RGS6: variants seen among roughly 807,000 people sequenced by gnomAD.
RGS6 encodes regulator of G protein signaling 6.
In RGS6, 30 loss-of-function variants were observed where a neutral mutation model predicts 78.5. The ratio of observed to expected loss-of-function variants is 0.38; its 90% confidence interval spans 0.29 to 0.52. The LOEUF (loss-of-function observed/expected upper bound fraction) is 0.52, where lower values mean the gene tolerates loss of function less well. Among genes scored for constraint, RGS6 ranks in the 20% least tolerant of loss-of-function variants. The pLI is 0.85. For synonymous variants in RGS6, 206 were observed against 206.0 expected (o/e 1.00, Z 0.00); for missense variants, 495 against 609.7 (o/e 0.81, Z 1.98).
intron 2 of RGS6, among the ~76,000 whole-genome samples, chr14:72,130,370 G>T (rs2096288622): frequency 1.3e-5 from 2 of 152,116 alleles, no homozygotes; most frequent in African/African-American, 4.8e-5. Context: ...ATTGGCCATT[G>T]ATGGTTAACT....
chr14:72,500,414 C>G (rs556239918), intron 13 of RGS6, among the ~76,000 whole-genome samples: 8 of 152,296 alleles, frequency 5.3e-5, no homozygotes, highest in South Asian at 2.1e-4. Flanking sequence ...ACATCACACT[C>G]CAGCCAAGGG....
chr14:71,967,719 G>A lies in RGS6; in HGVS notation c.84+2844G>A, dbSNP rs1443059108. On this transcript the variant is annotated intron_variant, in intron 2 of 17. Transcript: ENST00000553525. The stretch of plus-strand genomic sequence containing the variant: ...ATTTTTGCTTGGACTGCATTGTGTT[G>A]ATTCAGATGCTGACATTTAAAAAGC... Among the ~76,000 whole-genome samples, 5 of 152,180 alleles carry A rather than the reference G, an allele frequency of 3.3e-5. No individual in the cohort carries two copies. In the East Asian group the frequency reaches 9.7e-4, roughly 29 times the overall value.
chr14:71,917,498 G>C, the RGS6 span, among the ~76,000 whole-genome samples: 8 of 152,314 alleles, frequency 5.3e-5, no homozygotes, highest in African/African-American at 1.9e-4. Context: ...AGCAACAGGA[G>C]GTTTGGGGAG....
At chr14:72,247,744 C>T (rs564145986) in intron 2 of RGS6, among the ~76,000 whole-genome samples, 7 of 152,260 alleles carry the variant, frequency 4.6e-5, no homozygotes, top group African/African-American at 1.2e-4. Flanking sequence ...GGTTAGTTAT[C>T]GAGAGAGTGG....
At chr14:71,885,822 G>T in the RGS6 span, among the ~76,000 whole-genome samples, 1 of 152,070 alleles carries the variant, frequency 6.6e-6, no homozygotes, top group Non-Finnish European at 1.5e-5. Context: ...CACCCATATA[G>T]TGTCTCTCTC....
In RGS6 at chr14:71,975,357, T is replaced by C. The variant is rs541803121; in HGVS notation, c.84+10482T>C. On this transcript the variant is annotated intron_variant, in intron 2 of 17. Coordinates refer to ENST00000553525, the MANE Select transcript of RGS6 (RefSeq NM_001204424.2). ...TTTTTTCCTTTGGCTGCTTTTAAGA[T>C]TTATTTCACTTTGGTTTTAGCAGTT... is the stretch of plus-strand genomic sequence containing the variant. Among the ~76,000 whole-genome samples, 5 of 152,356 alleles carry C rather than the reference T, an allele frequency of 3.3e-5. No individual in the cohort carries two copies. The South Asian group carries it at 1.0e-3, about 32-fold the overall frequency.
intron 2 of RGS6, among the ~76,000 whole-genome samples, chr14:71,983,258 A>G (rs1279876747): frequency 6.6e-6 from 1 of 152,226 alleles, no homozygotes; most frequent in Non-Finnish European, 1.5e-5. Context: ...CAGAGGGAAT[A>G]AATCCAGGCA....
chr14:72,090,298 T>G (rs1345229136), intron 2 of RGS6, among the ~76,000 whole-genome samples: 6 of 152,030 alleles, frequency 3.9e-5, no homozygotes, highest in Admixed American at 3.9e-4. Context: ...CCAGTACCGG[T>G]CCCTGGCCTG....
intron 2 of RGS6, among the ~76,000 whole-genome samples, chr14:71,994,546 A>C (rs1410313144): frequency 6.6e-6 from 1 of 152,102 alleles, no homozygotes; most frequent in Admixed American, 6.5e-5. Flanking sequence ...CACCCAGTCC[A>C]TATGTTGACA....
At chr14:72,283,605 A>G (rs1595278320) in intron 2 of RGS6, among the ~76,000 whole-genome samples, 1 of 151,874 alleles carries the variant, frequency 6.6e-6, no homozygotes, top group Non-Finnish European at 1.5e-5. Context: ...ATTGTGAGGC[A>G]CCCCACCCCC....
chr14:72,511,826 CTTATTTTGGG>C (rs1012738690), intron 14 of RGS6: 3 of 152,220 alleles, frequency 2.0e-5, no homozygotes, highest in Non-Finnish European at 2.9e-5. Flanking sequence ...GGTTGAGTAT[CTTATTTTGGG>C]TTATTATACA....
chr14:72,354,604 T>A (rs2681756), intron 3 of RGS6, among the ~76,000 whole-genome samples: 58,031 of 151,480 alleles, frequency 0.38, 13,387 homozygotes, highest in African/African-American at 0.66. Context: ...CACTCCAGCA[T>A]GGGCAACAGA....
chr14:72,445,566 T>A (rs2095343568), intron 3 of RGS6, among the ~76,000 whole-genome samples: 1 of 152,108 alleles, frequency 6.6e-6, no homozygotes, highest in Non-Finnish European at 1.5e-5. Context: ...GCCTATATGA[T>A]GTCTGGTACT....
Position 72,510,309 on chromosome 14 carries a change from G to A in RGS6, c.1091+30G>A, listed in dbSNP as rs545614616. 5.0e-5 allele frequency: 81 copies of A among 1,613,696 alleles called. No homozygotes were observed. The South Asian group carries it at 6.3e-4, about 12-fold the overall frequency. ...ATCTCTCAAAGTTTGAGCTGTGTGC[G>A]GAATGTGTGTGAAGAAATTTGCATA... On this transcript the variant is annotated intron_variant, in intron 14 of 17. Coordinates refer to ENST00000553525, the MANE Select transcript of RGS6 (RefSeq NM_001204424.2).
At chr14:72,209,422 C>T (rs11847755) in intron 2 of RGS6, among the ~76,000 whole-genome samples, 15,572 of 152,120 alleles carry the variant, frequency 0.1, 1,378 homozygotes, top group African/African-American at 0.24. Context: ...TCTACTTCTT[C>T]TTAGCATTGA....
chr14:72,293,417 G>C (rs1394216064), intron 2 of RGS6, among the ~76,000 whole-genome samples: 1 of 152,144 alleles, frequency 6.6e-6, no homozygotes, highest in Non-Finnish European at 1.5e-5. Context: ...ATGGGGTGAG[G>C]TTTTGAAAAG....
chr14:72,502,467 C>T (rs1348946561), intron 13 of RGS6, among the ~76,000 whole-genome samples: 1 of 152,150 alleles, frequency 6.6e-6, no homozygotes, highest in Admixed American at 6.6e-5. Flanking sequence ...TGGTTTGTTA[C>T]ACAGCGTAAA....
At chr14:72,175,673 G>A (rs1214333540) in intron 2 of RGS6, among the ~76,000 whole-genome samples, 1 of 152,194 alleles carries the variant, frequency 6.6e-6, no homozygotes, top group East Asian at 1.9e-4. Flanking sequence ...GAACGCTCTA[G>A]TCAGTGAGGC....
chr14:72,112,499 T>G (rs1045294540), intron 2 of RGS6, among the ~76,000 whole-genome samples: 2 of 152,206 alleles, frequency 1.3e-5, no homozygotes, highest in Non-Finnish European at 1.5e-5. Context: ...TTAGAAGGCC[T>G]GTCATATCAT....
Sources: allele counts gnomAD v4.1 joint callset (sites outside exome capture counted in the v4.1 genomes callset), GRCh38; gene constraint gnomAD v4.1.1; transcripts MANE v1.5; gene names NCBI Gene and HGNC (gene_info 2026-07-23, HGNC 2026-07-21).